Variants in SORCS2 observed in about 807,000 individuals in gnomAD.
The protein encoded by SORCS2 is VPS10 domain-containing receptor SorCS2.
Under a neutral mutation model 141.6 loss-of-function variants are expected in SORCS2, and 100 were observed. The observed-to-expected ratio is 0.71, with a 90% CI of 0.60 to 0.83. The LOEUF (loss-of-function observed/expected upper bound fraction) is 0.83, where lower values mean the gene tolerates loss of function less well. Among genes scored for constraint, SORCS2 ranks in the 40% least tolerant of loss-of-function variants. The pLI is 0.00. For missense variants in SORCS2, 1,646 were observed against 1,560.2 expected (o/e 1.05, Z -0.93); for synonymous variants, 789 against 676.9 (o/e 1.17, Z -2.57).
chr4:7,366,761 T>C (rs957121603), intron 1 of SORCS2, among the ~76,000 whole-genome samples: 18 of 152,020 alleles, frequency 1.2e-4, no homozygotes, highest in African/African-American at 4.3e-4. Flanking sequence ...GTTTCATGTC[T>C]ACCCCCCCAA....
intron 3 of SORCS2, among the ~76,000 whole-genome samples, chr4:7,608,496 T>C (rs541677262): frequency 2.5e-4 from 38 of 152,340 alleles, no homozygotes; most frequent in African/African-American, 7.5e-4. Context: ...CATGTAGCTG[T>C]CACTGAAAAA....
chr4:7,459,198 C>G (rs879667353), intron 2 of SORCS2, among the ~76,000 whole-genome samples: 2 of 152,160 alleles, frequency 1.3e-5, no homozygotes, highest in East Asian at 1.9e-4. Context: ...CCTGCCCCAC[C>G]ATGGGACGCT....
At position 7,489,468 on chromosome 4, in the gene SORCS2, G is replaced by A. The variant is rs532798707; in HGVS notation, c.549-42062G>A. Among the ~76,000 whole-genome samples, 5 of 152,062 alleles carry A rather than the reference G, an allele frequency of 3.3e-5. 1 individual carries two copies. The South Asian group carries it at 1.0e-3, about 32-fold the overall frequency. ...CATTTACAATTTCAAAGGATCTCTT[G>A]AAGGTGTGAATAATTTCTCAAGATG... On this transcript the variant is annotated intron_variant, in intron 2 of 26. Transcript: ENST00000507866.
Position 7,742,644 on chromosome 4 carries a change from T to A in SORCS2, c.*2380T>A, listed in dbSNP as rs1240800508. The A allele has an allele frequency of 1.3e-5, 2 of 152,224 alleles. No individual in the cohort carries two copies. Among genetic ancestry groups the A allele is most frequent in the African/African-American group, 4.8e-5 (2 of 41,448 alleles). 9.4% of individuals were successfully genotyped at this position (152,224 alleles called of 1,614,324 possible). A position where few individuals can be genotyped will look rare whatever the true frequency, so the allele number is the denominator to read the frequency against. On this transcript the variant is annotated 3_prime_UTR_variant, in exon 27 of 27. Transcript: ENST00000507866. ...AGATCCAGGCGTGGGCCCGTGTCTGTCCCTGGTTGTAAATTCGAGGGTCTG... is the reference window on the plus strand; with the variant it reads ...AGATCCAGGCGTGGGCCCGTGTCTGACCCTGGTTGTAAATTCGAGGGTCTG...
chr4:7,558,175 T>C (rs1031687548), intron 3 of SORCS2, among the ~76,000 whole-genome samples: 14 of 152,172 alleles, frequency 9.2e-5, no homozygotes, highest in African/African-American at 3.1e-4. Flanking sequence ...GAAACACTTA[T>C]ATGGGAGAGG....
At chr4:7,586,175 T>G (rs1437766050) in intron 3 of SORCS2, among the ~76,000 whole-genome samples, 2 of 152,214 alleles carry the variant, frequency 1.3e-5, no homozygotes, top group African/African-American at 2.4e-5. Context: ...CTCTCATCTT[T>G]AGGGCCATTT....
intron 2 of SORCS2, among the ~76,000 whole-genome samples, chr4:7,502,185 C>G (rs533997441): frequency 1.3e-4 from 20 of 152,194 alleles, no homozygotes; most frequent in Non-Finnish European, 2.5e-4. Context: ...TAGACGGCCT[C>G]TGGTGCTCAA....
chr4:7,540,019 CGCCCCCTTTCTGCTGTGG>C (rs1712470723), intron 3 of SORCS2, among the ~76,000 whole-genome samples: 1 of 149,138 alleles, frequency 6.7e-6, no homozygotes, highest in African/African-American at 2.5e-5. Flanking sequence ...ATGGAGGCCC[CGCCCCCTTTCTGCTGTGG>C]AGGCCCCACC....
At chr4:7,212,707 A>G (rs1234302749) in intron 1 of SORCS2, among the ~76,000 whole-genome samples, 4 of 152,368 alleles carry the variant, frequency 2.6e-5, no homozygotes, top group Admixed American at 2.6e-4. Flanking sequence ...ACACAAACCC[A>G]TCATGTTGGC....
chr4:7,706,076 G>T (rs544171251), intron 14 of SORCS2, among the ~76,000 whole-genome samples: 1,456 of 145,176 alleles, frequency 0.01, 117 homozygotes, highest in African/African-American at 0.035. Flanking sequence ...ATGAGGCTGG[G>T]CTCTGCCTGG....
chr4:7,689,500 G>A lies in SORCS2; in HGVS notation c.1503G>A (p.Leu501=). The change falls in exon 11 of 27, where the codon CTG becomes CTA. Residue 501 remains leucine (L), a synonymous_variant. Transcript: ENST00000507866. ...PTNCKPPDCH[L]HLHLRWADNP... ...CTTCCTTGCAGCCAGACTGCCACCT[G>A]CACCTGCACCTGCGCTGGGCAGACA... 1 of 1,596,680 alleles carries A rather than the reference G, an allele frequency of 6.3e-7. No individual in the cohort carries two copies. The highest frequency in any genetic ancestry group is 8.5e-7 in the Non-Finnish European group (1 of 1,171,060).
At chr4:7,353,389 A>G (rs1400726118) in intron 1 of SORCS2, among the ~76,000 whole-genome samples, 1 of 152,180 alleles carries the variant, frequency 6.6e-6, no homozygotes, top group African/African-American at 2.4e-5. Flanking sequence ...TCCTGGTTCC[A>G]CACTGAACCT....
chr4:7,453,464 GTTGGGGTCAGGCTCCGTC>G (rs1254427019), intron 2 of SORCS2, among the ~76,000 whole-genome samples: 3 of 145,130 alleles, frequency 2.1e-5, no homozygotes, highest in African/African-American at 5.2e-5. Flanking sequence ...CAGGCTCCGT[GTTGGGGTCAGGCTCCGTC>G]TTGGGGTCAG....
At chr4:7,570,732 C>T (rs2109709659) in intron 3 of SORCS2, among the ~76,000 whole-genome samples, 1 of 152,278 alleles carries the variant, frequency 6.6e-6, no homozygotes, top group East Asian at 1.9e-4. Context: ...GTCCTGTCAG[C>T]AAGCCTTTTC....
intron 25 of SORCS2, among the ~76,000 whole-genome samples, chr4:7,736,835 G>T (rs748920896): frequency 6.6e-6 from 1 of 152,204 alleles, no homozygotes; most frequent in Non-Finnish European, 1.5e-5. Flanking sequence ...AATGTGTCAG[G>T]GCAGAGGGAA....
intron 3 of SORCS2, among the ~76,000 whole-genome samples, chr4:7,605,781 G>A (rs1718018247): frequency 6.6e-6 from 1 of 152,064 alleles, no homozygotes; most frequent in African/African-American, 2.4e-5. Context: ...GCTTGGTGCT[G>A]GTCCTGGGAG....
At chr4:7,389,530 A>T (rs1723723754) in intron 1 of SORCS2, among the ~76,000 whole-genome samples, 2 of 152,172 alleles carry the variant, frequency 1.3e-5, no homozygotes, top group Admixed American at 1.3e-4. Flanking sequence ...TTTCTGAGTC[A>T]GCCTGCTGCT....
intron 2 of SORCS2, among the ~76,000 whole-genome samples, chr4:7,518,491 A>T (rs186089021): frequency 1.3e-5 from 2 of 152,184 alleles, no homozygotes; most frequent in Non-Finnish European, 2.9e-5. Flanking sequence ...GGGACTGCAG[A>T]GTCCAGCTAA....
chr4:7,695,940 G>GTGGATGGA (rs779120222), intron 11 of SORCS2, among the ~76,000 whole-genome samples: 1,980 of 88,556 alleles, frequency 0.022, 246 homozygotes, highest in Middle Eastern at 0.11. Context: ...GGGTGGGTGG[G>GTGGATGGA]TGGATGGATG....
Sources: allele counts gnomAD v4.1 joint callset (sites outside exome capture counted in the v4.1 genomes callset), GRCh38; gene constraint gnomAD v4.1.1; transcripts MANE v1.5; gene names NCBI Gene and HGNC (gene_info 2026-07-23, HGNC 2026-07-21).